CASS4: variants seen among roughly 807,000 people sequenced by gnomAD.
The protein encoded by CASS4 is Cas scaffold protein family member 4, also known as cas scaffolding protein family member 4.
CASS4 carries 22 observed loss-of-function variants against 54.2 expected under a neutral mutation model. The ratio of observed to expected loss-of-function variants is 0.41; its 90% CI spans 0.29 to 0.58. The LOEUF (loss-of-function observed/expected upper bound fraction) is 0.58. CASS4 is among the 20% of genes least tolerant of loss of function. CASS4 has a pLI of 0.36. For synonymous variants in CASS4, 409 were observed against 391.5 expected (o/e 1.04, Z -0.53); for missense variants, 854 against 986.7 (o/e 0.87, Z 1.80).
At chr20:56,448,097 G>A (rs1251759904) in intron 3 of CASS4, among the ~76,000 whole-genome samples, 18 of 149,750 alleles carry the variant, frequency 1.2e-4, no homozygotes, top group Admixed American at 9.3e-4. Context: ...AGCAGAGATC[G>A]CGCCACTGCA....
At chr20:56,428,624 A>G (rs1402625178) in intron 1 of CASS4, among the ~76,000 whole-genome samples, 1 of 152,188 alleles carries the variant, frequency 6.6e-6, no homozygotes, top group Non-Finnish European at 1.5e-5. Context: ...TTTCTTGCCC[A>G]GCTCCTATAA....
intron 1 of CASS4, among the ~76,000 whole-genome samples, chr20:56,423,112 A>G (rs1406328660): frequency 6.6e-6 from 1 of 152,222 alleles, no homozygotes; most frequent in Non-Finnish European, 1.5e-5. Flanking sequence ...AGCTGCAGAG[A>G]AAGTTTAGAC....
chr20:56,414,150 G>A lies in CASS4; in HGVS notation c.36+1656G>A, dbSNP rs1005723456. Among the ~76,000 whole-genome samples, 4 of 152,066 alleles carry A rather than the reference G, an allele frequency of 2.6e-5. No individual in the cohort carries two copies. Among genetic ancestry groups the A allele is most frequent in the Admixed American group, 1.3e-4 (2 of 15,272 alleles). ...CTTTCTACTATTCAGTCTAATTCACGTTGATTTAATAATGCCATTCTACTA... is the reference window on the plus strand; with the variant it reads ...CTTTCTACTATTCAGTCTAATTCACATTGATTTAATAATGCCATTCTACTA... On this transcript the variant is annotated intron_variant, in intron 1 of 5. Coordinates refer to ENST00000679887, the MANE Select transcript of CASS4 (RefSeq NM_020356.4). The surrounding 1 kb of genome is among the most constrained non-coding windows in gnomAD (Gnocchi z 4.1).
chr20:56,428,020 T>A (rs1979724257), intron 1 of CASS4, among the ~76,000 whole-genome samples: 1 of 152,186 alleles, frequency 6.6e-6, no homozygotes, highest in African/African-American at 2.4e-5. Context: ...ACAGTTACCA[T>A]CTCCACCACT....
In CASS4 at chr20:56,416,528, C is replaced by CGTGT. The variant is rs3219626; in HGVS notation, c.36+4061_36+4064dup. On this transcript the variant is annotated intron_variant, in intron 1 of 5. Coordinates refer to ENST00000679887, the MANE Select transcript of CASS4 (RefSeq NM_020356.4). ...GTTTGCTATAAATTCTGTTTACTTC[C>CGTGT]GTGTGTGTGTGTGTGTGTGTGTGTG... Among the ~76,000 whole-genome samples, 1,139 of 149,196 alleles carry CGTGT rather than the reference C, an allele frequency of 7.6e-3. 7 individuals carry two copies. The highest frequency in any genetic ancestry group is 0.021 in the Middle Eastern group (6 of 292).
At chr20:56,450,181 G>A (rs978334550) in intron 3 of CASS4, among the ~76,000 whole-genome samples, 39 of 152,168 alleles carry the variant, frequency 2.6e-4, no homozygotes, top group African/African-American at 6.7e-4. Context: ...ACAGTCATGC[G>A]CCACCATACC....
At chr20:56,445,830 G>T in intron 2 of CASS4, 70 bp from the exon 3 acceptor site, 2 of 1,238,612 alleles carry the variant, frequency 1.6e-6, no homozygotes, top group Admixed American at 1.8e-5. Context: ...TTGGAGAGAT[G>T]ACTTTGAACC....
Position 56,442,676 on chromosome 20 carries a change from CCCA to C in CASS4, c.460-3219_460-3217del, listed in dbSNP as rs1406051804. 2.2e-4 allele frequency among the ~76,000 whole-genome samples: 33 copies of C among 148,204 alleles called. 1 individual carries two copies. In the East Asian group the frequency reaches 5.4e-3, roughly 24 times the overall value. On this transcript the variant is annotated intron_variant, in intron 2 of 5. Transcript: ENST00000679887. ...GTGCTGGCCTAATTTAAAAAAAAAA[CCCA>C]CCACATCAAGAGCATATTTGATTTC...
chr20:56,415,168 A>G (rs1979069464), intron 1 of CASS4, among the ~76,000 whole-genome samples: 1 of 152,160 alleles, frequency 6.6e-6, no homozygotes. Context: ...AGAGTCAGAT[A>G]GTATTTTATG....
chr20:56,419,448 C>T (rs1979309471), intron 1 of CASS4, among the ~76,000 whole-genome samples: 1 of 152,034 alleles, frequency 6.6e-6, no homozygotes, highest in South Asian at 2.1e-4. Context: ...AGATCCTGCA[C>T]TTCCCCCACA....
chr20:56,417,370 G>A (rs764950952), intron 1 of CASS4, among the ~76,000 whole-genome samples: 3 of 152,026 alleles, frequency 2.0e-5, no homozygotes, highest in South Asian at 2.1e-4. Flanking sequence ...GCTGTTCCCC[G>A]CCTTGGATTC....
rs374978146 is a variant in CASS4, at chr20:56,437,272, G to A, written c.145G>A (p.Glu49Lys). 23 of 1,613,964 alleles carry A rather than the reference G, an allele frequency of 1.4e-5. No homozygotes were observed. The highest frequency in any genetic ancestry group is 1.6e-4 in the Middle Eastern group (1 of 6,082). Residue 49 changes from glutamate to lysine, a missense_variant, in exon 2 of 6, where the codon GAG becomes AAG. By Grantham distance (56) the Glu-to-Lys change is moderately conservative (BLOSUM62 1). Transcript: ENST00000679887. The surrounding 1 kb of genome is among the most constrained non-coding windows in gnomAD (Gnocchi z 4.7). ...TCTGGAGCAACACGTGCCAGAAAGC[G>A]AGGGTTGGTGGAAGTGTTTGCTCCA... ...TILEQHVPES[E>K]GWWKCLLHGR...
intron 1 of CASS4, among the ~76,000 whole-genome samples, chr20:56,435,618 T>A (rs1488587388): frequency 6.6e-6 from 1 of 152,188 alleles, no homozygotes; most frequent in Non-Finnish European, 1.5e-5. Flanking sequence ...ACAAGGCGAC[T>A]TTTTTTAGAA....
chr20:56,456,132 G>A (rs1318780896), intron 5 of CASS4, among the ~76,000 whole-genome samples: 1 of 151,950 alleles, frequency 6.6e-6, no homozygotes, highest in Admixed American at 6.6e-5. Flanking sequence ...GAGGCCCGGG[G>A]CACCGTTGGC....
At chr20:56,423,268 A>T (rs574381179) in intron 1 of CASS4, among the ~76,000 whole-genome samples, 1 of 152,316 alleles carries the variant, frequency 6.6e-6, no homozygotes, top group Non-Finnish European at 1.5e-5. Flanking sequence ...TGAGTATCTG[A>T]GTTTCTGTCT....
Position 56,453,133 on chromosome 20 carries a change from A to C in CASS4, c.1953+4A>C. 1 of 1,604,598 alleles carries C rather than the reference A, an allele frequency of 6.2e-7. No individual in the cohort carries two copies. The highest frequency in any genetic ancestry group is 1.7e-5 in the Admixed American group (1 of 59,610). On this transcript the variant is annotated splice_donor_region_variant and intron_variant, in intron 5 of 5. Coordinates refer to ENST00000679887, the MANE Select transcript of CASS4 (RefSeq NM_020356.4). The stretch of plus-strand genomic sequence containing the variant: ...TAGGGCAAATATCTGTGGACAGGTG[A>C]GTTCAGAGTTCCAAGTGATCGAAAA...
chr20:56,447,058 A>T (rs1044811895), intron 3 of CASS4, among the ~76,000 whole-genome samples: 2 of 152,048 alleles, frequency 1.3e-5, no homozygotes, highest in African/African-American at 4.8e-5. Context: ...AAATACAAAA[A>T]TTAGCTGGGC....
chr20:56,435,964 CTGGTCT>C (rs1375651992), intron 1 of CASS4, among the ~76,000 whole-genome samples: 9 of 152,056 alleles, frequency 5.9e-5, no homozygotes, highest in African/African-American at 2.2e-4. Context: ...GTTGGCCAGG[CTGGTCT>C]TGAACTCCCG....
intron 1 of CASS4, among the ~76,000 whole-genome samples, chr20:56,431,317 A>G (rs1231955562): frequency 6.6e-6 from 1 of 152,198 alleles, no homozygotes; most frequent in East Asian, 1.9e-4. Flanking sequence ...GACTTTGCAC[A>G]TGCATTTCAT....
Sources: allele counts gnomAD v4.1 joint callset (sites outside exome capture counted in the v4.1 genomes callset), GRCh38; gene constraint gnomAD v4.1.1; non-coding constraint Gnocchi (gnomAD v3.1); transcripts MANE v1.5; gene names NCBI Gene and HGNC (gene_info 2026-07-23, HGNC 2026-07-21).